Variants in ING1 observed in about 807,000 individuals in gnomAD.
ING1 encodes the protein inhibitor of growth family member 1, also known as inhibitor of growth protein 1.
In ING1, 4 loss-of-function variants were observed where a neutral mutation model predicts 23.1. The observed-to-expected ratio is 0.17, with a 90% confidence interval of 0.09 to 0.40. ING1 has a LOEUF of 0.40. Ranked by LOEUF, ING1 falls within the 10% of genes least tolerant of loss-of-function variation. The pLI, the probability that ING1 is intolerant of heterozygous loss-of-function variation, is 1.00. For missense variants in ING1, 256 were observed against 393.8 expected, an observed-to-expected ratio of 0.65 and a Z score of 2.96; for synonymous variants, 179 against 166.4, an observed-to-expected ratio of 1.08 and a Z score of -0.58.
rs1233632906 is a variant in ING1 at position 110,719,905 on chromosome 13, C to T, written c.813C>T (p.Ser271=). Residue 271 remains serine (S), a synonymous_variant, in exon 2 of 2, where the codon TCC becomes TCT. Coordinates refer to ENST00000333219, the MANE Select transcript of ING1 (RefSeq NM_198219.3). This position sits in a 1 kb window ranked among gnomAD's most constrained non-coding sequence, Gnocchi z 8.9. ...EKTMDKALEK[S]KKERAYNR Reference sequence around the variant, plus strand: ...CCATGGACAAAGCCCTGGAGAAATCCAAAAAAGAGAGGGCTTACAACAGGT... The same window carrying T: ...CCATGGACAAAGCCCTGGAGAAATCTAAAAAAGAGAGGGCTTACAACAGGT... 1.3e-6 allele frequency: 2 copies of T among 1,598,352 alleles called. No homozygotes were observed. The highest frequency in any genetic ancestry group is 2.7e-5 in the African/African-American group (2 of 73,250).
In ING1 at chr13:110,719,960, G is replaced by A. The variant is rs1161634642; in HGVS notation, c.*28G>A. The A allele has an allele frequency of 6.6e-7, 1 of 1,506,904 alleles. No homozygotes were observed. Among genetic ancestry groups the A allele is most frequent in the Non-Finnish European group, 9.0e-7 (1 of 1,114,172 alleles). 93.3% of individuals were successfully genotyped at this position (1,506,904 alleles called of 1,614,324 possible). On this transcript the variant is annotated 3_prime_UTR_variant, in exon 2 of 2. Coordinates refer to ENST00000333219, the MANE Select transcript of ING1 (RefSeq NM_198219.3). This position sits in a 1 kb window ranked among gnomAD's most constrained non-coding sequence, Gnocchi z 8.9. ...TGTGGACAGGCGCCTGGTGTGAGGAGGACAAAATAAACCGTGTATTTATTA... is the reference window on the plus strand; with the variant it reads ...TGTGGACAGGCGCCTGGTGTGAGGAAGACAAAATAAACCGTGTATTTATTA...
intron 1 of ING1, among the ~76,000 whole-genome samples, chr13:110,714,829 T>G (rs1449168132): frequency 1.3e-5 from 2 of 152,022 alleles, no homozygotes; most frequent in Non-Finnish European, 2.9e-5. Context: ...CCGCTCGGGG[T>G]AGGTCGGCCG....
intron 1 of ING1, chr13:110,715,626 C>A: frequency 6.2e-7 from 1 of 1,613,958 alleles, no homozygotes; most frequent in Non-Finnish European, 8.5e-7. Context: ...GGTCGCTCGG[C>A]CTCCAGCCTT....
At chr13:110,715,040 T>A in intron 1 of ING1, 1 of 999,576 alleles carries the variant, frequency 1.0e-6, no homozygotes. Flanking sequence ...GGCAGATCGC[T>A]GGCTTGGAGA....
At chr13:110,716,893 G>T (rs2064128534) in intron 1 of ING1, among the ~76,000 whole-genome samples, 2 of 152,176 alleles carry the variant, frequency 1.3e-5, no homozygotes, top group Admixed American at 1.3e-4. Context: ...ATAAATATTT[G>T]TACTTAGTGG....
upstream of ING1, chr13:110,712,710 G>A (rs907194075): frequency 8.7e-6 from 6 of 691,980 alleles, no homozygotes; most frequent in African/African-American, 1.1e-4. Context: ...CATACTGTGG[G>A]CGGCCTTTCC....
intron 1 of ING1, chr13:110,715,158 G>A: frequency 7.7e-6 from 9 of 1,176,236 alleles, no homozygotes; most frequent in Non-Finnish European, 9.5e-6. Flanking sequence ...GTTGGCTGTT[G>A]GGGAAACTTT....
chr13:110,717,502 C>T (rs1169750292), intron 1 of ING1, among the ~76,000 whole-genome samples: 1 of 152,168 alleles, frequency 6.6e-6, no homozygotes, highest in Non-Finnish European at 1.5e-5. Flanking sequence ...TAGACAATCC[C>T]TCCCACTCTC....
At chr13:110,714,455 A>G (rs1379655399) in intron 1 of ING1, among the ~76,000 whole-genome samples, 170 bp downstream of exon 1, 1 of 151,970 alleles carries the variant, frequency 6.6e-6, no homozygotes, top group African/African-American at 2.4e-5. Flanking sequence ...TGATTCGCCA[A>G]GGTCCTTGTG....
chr13:110,712,747 G>C (rs759190338), upstream of ING1: 1 of 701,196 alleles, frequency 1.4e-6, no homozygotes, highest in Non-Finnish European at 2.6e-6. Flanking sequence ...CTCCGAGAAC[G>C]GTGTCCATGA....
intron 1 of ING1, chr13:110,714,995 A>T (rs531759917): frequency 1.0e-6 from 1 of 989,360 alleles, no homozygotes; most frequent in South Asian, 4.6e-5. Flanking sequence ...GGAGGCGGGG[A>T]AGGCGCCCAT....
upstream of ING1, chr13:110,713,465 TC>T: frequency 1.0e-6 from 1 of 990,180 alleles, no homozygotes; most frequent in South Asian, 4.4e-5. Flanking sequence ...TCGCCCGCCG[TC>T]CACACCCCAG....
intron 1 of ING1, chr13:110,715,018 CG>C (rs537817203): frequency 2.6e-5 from 26 of 992,816 alleles, no homozygotes; most frequent in South Asian, 4.6e-5. Context: ...GCGCTGCGCT[CG>C]GGGGGGCGCG....
chr13:110,714,051 G>C lies in ING1; in HGVS notation c.-99G>C, dbSNP rs1002288505. 1.7e-5 allele frequency: 22 copies of C among 1,281,170 alleles called. No homozygotes were observed. The African/African-American group carries it at 3.4e-4, about 20-fold the overall frequency. The allele number at this position is 1,281,170 out of a possible 1,614,324, so 79.4% of individuals were successfully genotyped here. ...GAGCCGGCGGGGGGGCGCCGGGAGA[G>C]CGAGGGCTTTGCATTTTGCAGTGCT... On this transcript the variant is annotated 5_prime_UTR_variant, in exon 1 of 2. Coordinates refer to ENST00000333219, the MANE Select transcript of ING1 (RefSeq NM_198219.3).
rs543912244 is a variant in ING1, at chr13:110,722,953, T to C, written c.*3021T>C. On this transcript the variant is annotated 3_prime_UTR_variant, in exon 2 of 2. Coordinates refer to ENST00000333219, the MANE Select transcript of ING1 (RefSeq NM_198219.3). Reference sequence around the variant, plus strand: ...ATGGTACTGAATTCTTTTTGAAAAATAGATTACTGAAAAGCGATCTAATAT... The same window carrying C: ...ATGGTACTGAATTCTTTTTGAAAAACAGATTACTGAAAAGCGATCTAATAT... 1 of 152,272 alleles carries C rather than the reference T, an allele frequency of 6.6e-6. No individual in the cohort carries two copies. The highest frequency in any genetic ancestry group is 2.4e-5 in the African/African-American group (1 of 41,544). 9.4% of individuals were successfully genotyped at this position (152,272 alleles called of 1,614,324 possible).
In ING1 at chr13:110,719,923, C is replaced by T; in HGVS notation, c.831C>T (p.Tyr277=). The T allele has an allele frequency of 6.3e-7, 1 of 1,598,780 alleles. No homozygotes were observed. Among genetic ancestry groups the T allele is most frequent in the Non-Finnish European group, 8.5e-7 (1 of 1,175,620 alleles). The change falls in exon 2 of 2, where the codon TAC becomes TAT. Residue 277 remains tyrosine (Y), a synonymous_variant. Transcript: ENST00000333219. The surrounding 1 kb of genome is among the most constrained non-coding windows in gnomAD (Gnocchi z 8.9). ...ALEKSKKERA[Y]NR Reference sequence around the variant, plus strand: ...AGAAATCCAAAAAAGAGAGGGCTTACAACAGGTAGTTTGTGGACAGGCGCC... The same window carrying T: ...AGAAATCCAAAAAAGAGAGGGCTTATAACAGGTAGTTTGTGGACAGGCGCC...
chr13:110,714,347 C>A, intron 1 of ING1, 62 bp downstream of exon 1: 2 of 1,420,944 alleles, frequency 1.4e-6, no homozygotes, highest in East Asian at 3.1e-5. Flanking sequence ...CCGGGCGCGC[C>A]GCGGAGCCGG....
intron 1 of ING1, chr13:110,715,257 G>A: frequency 1.5e-6 from 2 of 1,376,328 alleles, no homozygotes; most frequent in African/African-American, 1.5e-5. Flanking sequence ...CTGCGCAGTA[G>A]GGAAACGGAA....
rs777936457 is a variant in ING1 at position 110,719,904 on chromosome 13, C to A, written c.812C>A (p.Ser271Tyr). 7 of 1,599,440 alleles carry A rather than the reference C, an allele frequency of 4.4e-6. No individual in the cohort carries two copies. The Admixed American group carries it at 7.3e-5, about 17-fold the overall frequency. The change falls in exon 2 of 2, where the codon TCC (serine) becomes TAC (tyrosine). Residue 271 changes from serine to tyrosine, a missense_variant. Coordinates refer to ENST00000333219, the MANE Select transcript of ING1 (RefSeq NM_198219.3). This position sits in a 1 kb window ranked among gnomAD's most constrained non-coding sequence, Gnocchi z 8.9. ...EKTMDKALEK[S>Y]KKERAYNR ...ACCATGGACAAAGCCCTGGAGAAAT[C>A]CAAAAAAGAGAGGGCTTACAACAGG...
Sources: allele counts gnomAD v4.1 joint callset (sites outside exome capture counted in the v4.1 genomes callset), GRCh38; gene constraint gnomAD v4.1.1; non-coding constraint Gnocchi (gnomAD v3.1); transcripts MANE v1.5; gene names NCBI Gene and HGNC (gene_info 2026-07-23, HGNC 2026-07-21).